Variants in PDE10A observed in about 807,000 individuals in gnomAD.
The protein encoded by PDE10A is phosphodiesterase 10A.
PDE10A carries 39 observed loss-of-function variants against 97.7 expected under a neutral mutation model. The ratio of observed to expected loss-of-function variants is 0.40; its 90% CI spans 0.31 to 0.52. The LOEUF is 0.52. Among genes scored for constraint, PDE10A ranks in the 20% least tolerant of loss-of-function variants. PDE10A has a pLI of 0.56. For synonymous variants in PDE10A, 371 were observed against 376.8 expected, an observed-to-expected ratio of 0.98 and a Z score of 0.18; for missense variants, 731 against 1,047.8, an observed-to-expected ratio of 0.70 and a Z score of 4.17.
At chr6:165,363,774 C>G (rs1783582598) in intron 18 of PDE10A, among the ~76,000 whole-genome samples, 1 of 151,992 alleles carries the variant, frequency 6.6e-6, no homozygotes, top group Non-Finnish European at 1.5e-5. Flanking sequence ...ATTCCACTTA[C>G]AATATTATCA....
At chr6:165,373,810 A>C (rs961202277) in intron 18 of PDE10A, among the ~76,000 whole-genome samples, 2 of 151,976 alleles carry the variant, frequency 1.3e-5, no homozygotes, top group African/African-American at 4.8e-5. Context: ...TATTCACTAT[A>C]GCAAAGACTT....
chr6:165,825,003 G>A (rs1471690658), intron 1 of PDE10A, among the ~76,000 whole-genome samples: 2 of 146,406 alleles, frequency 1.4e-5, no homozygotes, highest in South Asian at 4.4e-4. Context: ...CAAAAAATTA[G>A]CTGGGCATGG....
At chr6:165,571,189 C>T (rs73022118) in intron 1 of PDE10A, among the ~76,000 whole-genome samples, 8,999 of 152,228 alleles carry the variant, frequency 0.059, 383 homozygotes, top group Middle Eastern at 0.099. Context: ...ACACTGAATC[C>T]GCCAGCTGTT....
chr6:165,682,944 C>A (rs1791016188), intron 1 of PDE10A, among the ~76,000 whole-genome samples: 1 of 152,158 alleles, frequency 6.6e-6, no homozygotes, highest in South Asian at 2.1e-4. Flanking sequence ...AACTTCTCTC[C>A]ATCATGTCAT....
At chr6:165,691,587 GCGCGCACA>G (rs776599778) in intron 1 of PDE10A, among the ~76,000 whole-genome samples, 8 of 46,588 alleles carry the variant, frequency 1.7e-4, no homozygotes, top group Non-Finnish European at 5.7e-4. Context: ...GCATGCACGC[GCGCGCACA>G]CACACACACA....
intron 9 of PDE10A, among the ~76,000 whole-genome samples, chr6:165,429,712 G>C (rs1420431003): frequency 6.6e-6 from 1 of 151,988 alleles, no homozygotes; most frequent in Non-Finnish European, 1.5e-5. Flanking sequence ...CAGATATATA[G>C]ATGCAGACTC....
Position 165,327,949 on chromosome 6 carries a change from G to A in PDE10A, c.*5076C>T, listed in dbSNP as rs966816710. 2.0e-5 allele frequency: 3 copies of A among 152,162 alleles called. No individual in the cohort carries two copies. Among genetic ancestry groups the A allele is most frequent in the African/African-American group, 4.8e-5 (2 of 41,430 alleles). The allele number at this position is 152,162 out of a possible 1,614,324, so 9.4% of individuals were successfully genotyped here. ...GCAAACTCTTAGATGCCTTAGCTAC[G>A]TTATGGATCTAGGATCTCTTTTGTT... On this transcript the variant is annotated 3_prime_UTR_variant, in exon 22 of 22. Coordinates refer to ENST00000539869, the MANE Select transcript of PDE10A (RefSeq NM_001385079.1).
At chr6:165,672,214 A>C (rs1180978653) in intron 1 of PDE10A, among the ~76,000 whole-genome samples, 1 of 152,218 alleles carries the variant, frequency 6.6e-6, no homozygotes, top group African/African-American at 2.4e-5. Flanking sequence ...CTTACTGGTC[A>C]ATGGTATAAG....
intron 1 of PDE10A, among the ~76,000 whole-genome samples, chr6:165,590,485 T>C (rs1359514287): frequency 6.6e-6 from 1 of 152,226 alleles, no homozygotes; most frequent in Non-Finnish European, 1.5e-5. Context: ...CTTTTCATTT[T>C]GACCCAACAA....
At chr6:165,749,478 A>AT (rs1792945276) in intron 1 of PDE10A, among the ~76,000 whole-genome samples, 10 of 118,196 alleles carry the variant, frequency 8.5e-5, no homozygotes, top group African/African-American at 1.7e-4. Context: ...AACACCATCA[A>AT]CACCATCATC....
At chr6:165,712,542 C>T (rs1032313728) in intron 1 of PDE10A, among the ~76,000 whole-genome samples, 3 of 151,600 alleles carry the variant, frequency 2.0e-5, no homozygotes, top group South Asian at 2.1e-4. Context: ...GATCAGTTTG[C>T]AAATTCAGCT....
chr6:165,869,234 A>G (rs1346151652), intron 1 of PDE10A, among the ~76,000 whole-genome samples: 1 of 152,080 alleles, frequency 6.6e-6, no homozygotes, highest in Admixed American at 6.5e-5. Flanking sequence ...GAACTGACAT[A>G]TTCGGTAAAG....
chr6:165,582,630 T>C (rs1380060429), intron 1 of PDE10A, among the ~76,000 whole-genome samples: 1 of 149,800 alleles, frequency 6.7e-6, no homozygotes, highest in Non-Finnish European at 1.5e-5. Flanking sequence ...AAAATAACTA[T>C]ACACCAAAAG....
rs892897497 is a variant in PDE10A, at chr6:165,726,546, C to T, written c.-614-182978G>A. On this transcript the variant is annotated intron_variant, in intron 1 of 19. Transcript: ENST00000366882. ...CGAGCACCGGGGGAGAGGAGAGCCA[C>T]GATGCCCGAGGAGAGCCACGATGCC... Among the ~76,000 whole-genome samples, 10 of 150,632 alleles carry T rather than the reference C, an allele frequency of 6.6e-5. 2 individuals carry two copies. In the South Asian group the frequency reaches 1.5e-3, roughly 22 times the overall value.
intron 3 of PDE10A, among the ~76,000 whole-genome samples, chr6:165,452,670 G>A (rs1791388538): frequency 6.6e-6 from 1 of 152,094 alleles, no homozygotes; most frequent in African/African-American, 2.4e-5. Flanking sequence ...ATAAATTTCT[G>A]TTCTTTATAA....
intron 1 of PDE10A, among the ~76,000 whole-genome samples, chr6:165,800,601 A>C (rs1413695501): frequency 2.0e-5 from 3 of 152,112 alleles, no homozygotes; most frequent in African/African-American, 7.2e-5. Flanking sequence ...GCCCATGGAA[A>C]CCCAAAGTCC....
At chr6:165,862,935 T>C (rs1313528554) in intron 1 of PDE10A, among the ~76,000 whole-genome samples, 9 of 152,216 alleles carry the variant, frequency 5.9e-5, no homozygotes, top group Admixed American at 5.9e-4. Context: ...CCGCCTTTGC[T>C]TCCCAAAGTG....
Position 165,655,857 on chromosome 6 carries a change from G to A in PDE10A, c.865+6090C>T, listed in dbSNP as rs542312198. On this transcript the variant is annotated intron_variant, in intron 1 of 21. Coordinates refer to ENST00000539869, the MANE Select transcript of PDE10A (RefSeq NM_001385079.1). This position sits in a 1 kb window ranked among gnomAD's most constrained non-coding sequence, Gnocchi z 4.5. ...TGCCTGGTGGGCTCAGCTCCAGCAC[G>A]GCCGTCACCCCGCTCCTCTGCCTTG... is the stretch of plus-strand genomic sequence containing the variant. 3.3e-4 allele frequency among the ~76,000 whole-genome samples: 50 copies of A among 152,018 alleles called. No homozygotes were observed. The highest frequency in any genetic ancestry group is 9.2e-4 in the African/African-American group (38 of 41,460).
rs1784927762 is a variant in PDE10A, at chr6:165,569,116, G to A, written c.866-25548C>T. Among the ~76,000 whole-genome samples, 3 of 152,120 alleles carry A rather than the reference G, an allele frequency of 2.0e-5. No homozygotes were observed. In the South Asian group the frequency reaches 6.2e-4, roughly 32 times the overall value. ...TCAGAAGCTAAAATTCTAATATTCT[G>A]GAATAAATTAAGTCCATTTTATTAT... On this transcript the variant is annotated intron_variant, in intron 1 of 21. Coordinates refer to ENST00000539869, the MANE Select transcript of PDE10A (RefSeq NM_001385079.1).
Sources: gnomAD v4.1 joint callset for allele counts (sites outside exome capture counted in the v4.1 genomes callset) on GRCh38, gnomAD v4.1.1 for gene constraint, Gnocchi (gnomAD v3.1) non-coding constraint, MANE v1.5 for transcripts, NCBI Gene and HGNC (gene_info 2026-07-23, HGNC 2026-07-21) for gene names.